LINGO2: variants seen among roughly 807,000 people sequenced by gnomAD.
The protein encoded by LINGO2 is leucine-rich repeat and immunoglobulin-like domain-containing nogo receptor-interacting protein 2.
LINGO2 carries 14 observed loss-of-function variants against 30.6 expected under a neutral mutation model. That is an observed-to-expected ratio of 0.46 (90% confidence interval 0.30 to 0.72). The LOEUF is 0.72. LINGO2 is among the 30% of genes least tolerant of loss of function. The probability of loss-of-function intolerance (pLI) is 0.07; values close to 1 mark genes in which losing one functional copy is unlikely to be tolerated. For missense variants in LINGO2, 729 were observed against 751.7 expected (o/e 0.97, Z 0.35); for synonymous variants, 317 against 288.5 (o/e 1.10, Z -1.00).
At chr9:28,995,788 C>T in the LINGO2 span, among the ~76,000 whole-genome samples, 2 of 151,770 alleles carry the variant, frequency 1.3e-5, no homozygotes, top group African/African-American at 4.8e-5. Context: ...CCAAACACCG[C>T]ATGTTCTCAC....
the LINGO2 span, among the ~76,000 whole-genome samples, chr9:28,947,507 A>G: frequency 1.3e-5 from 2 of 152,024 alleles, no homozygotes; most frequent in Non-Finnish European, 2.9e-5. Context: ...ATGTACATAC[A>G]CATAGTGGGA....
rs375599006 is a variant in LINGO2 at position 28,272,594 on chromosome 9, G to T, written c.-87+22614C>A. Among the ~76,000 whole-genome samples the T allele has an allele frequency of 5.7e-4, 86 of 152,020 alleles. 2 individuals are homozygous for T. The East Asian group carries it at 9.5e-3, about 17-fold the overall frequency. ...ATTAGATATTTTATTTGAATAGATT[G>T]TGTTAAACAAACAAAATTGCCTTTA... On this transcript the variant is annotated intron_variant, in intron 4 of 5. Transcript: ENST00000379992.
At chr9:28,248,253 C>T (rs1475437787) in intron 4 of LINGO2, among the ~76,000 whole-genome samples, 1 of 152,148 alleles carries the variant, frequency 6.6e-6, no homozygotes, top group Non-Finnish European at 1.5e-5. Context: ...GGTACCTCTG[C>T]ACAGTGAAGT....
intron 4 of LINGO2, among the ~76,000 whole-genome samples, chr9:28,118,272 G>A (rs1180865162): frequency 6.6e-6 from 1 of 152,136 alleles, no homozygotes; most frequent in East Asian, 1.9e-4. Flanking sequence ...GCAGGAGTGT[G>A]TGAATTGAGT....
At chr9:28,726,194 G>A in the LINGO2 span, among the ~76,000 whole-genome samples, 1 of 151,980 alleles carries the variant, frequency 6.6e-6, no homozygotes, top group Admixed American at 6.6e-5. Context: ...CTTTTTAAGA[G>A]CTCTATGTGT....
At chr9:29,115,093 T>C in the LINGO2 span, among the ~76,000 whole-genome samples, 2 of 152,090 alleles carry the variant, frequency 1.3e-5, no homozygotes, top group African/African-American at 4.8e-5. Flanking sequence ...CAACCTGAGT[T>C]AACATTCAAA....
the LINGO2 span, among the ~76,000 whole-genome samples, chr9:28,990,198 T>C: frequency 6.6e-6 from 1 of 152,072 alleles, no homozygotes. Flanking sequence ...CACCAGGAGA[T>C]TATATCCCGC....
intron 1 of LINGO2, among the ~76,000 whole-genome samples, chr9:28,559,063 A>G (rs954794766): frequency 1.7e-4 from 26 of 152,252 alleles, no homozygotes; most frequent in African/African-American, 6.0e-4. Flanking sequence ...ATTGATAATA[A>G]TGACTAGGAT....
the LINGO2 span, among the ~76,000 whole-genome samples, chr9:28,904,327 G>C: frequency 6.6e-6 from 1 of 152,014 alleles, no homozygotes; most frequent in Non-Finnish European, 1.5e-5. Flanking sequence ...TCCAACTCTT[G>C]CTACTTGTAC....
At chr9:29,028,665 C>T in the LINGO2 span, among the ~76,000 whole-genome samples, 1 of 152,058 alleles carries the variant, frequency 6.6e-6, no homozygotes, top group African/African-American at 2.4e-5. Flanking sequence ...CAAGAGGTCT[C>T]GCATTCTTAC....
chr9:29,143,935 T>C, the LINGO2 span, among the ~76,000 whole-genome samples: 1 of 152,212 alleles, frequency 6.6e-6, no homozygotes, highest in African/African-American at 2.4e-5. Flanking sequence ...CATCTTAAGC[T>C]GATTATTGTA....
chr9:28,920,312 T>C, the LINGO2 span, among the ~76,000 whole-genome samples: 1 of 151,562 alleles, frequency 6.6e-6, no homozygotes, highest in Non-Finnish European at 1.5e-5. Flanking sequence ...ATATATATAA[T>C]AAAATTTTTA....
At chr9:29,165,089 C>G in the LINGO2 span, among the ~76,000 whole-genome samples, 8 of 152,054 alleles carry the variant, frequency 5.3e-5, no homozygotes, top group African/African-American at 1.2e-4. Flanking sequence ...TCCCATAGTT[C>G]AAAGAACTAC....
chr9:29,029,903 G>A, the LINGO2 span, among the ~76,000 whole-genome samples: 2 of 151,136 alleles, frequency 1.3e-5, no homozygotes, highest in African/African-American at 4.9e-5. Flanking sequence ...GACATTCCAC[G>A]CTCATTTCAC....
At chr9:28,410,157 A>G (rs564503257) in intron 2 of LINGO2, among the ~76,000 whole-genome samples, 6 of 151,248 alleles carry the variant, frequency 4.0e-5, no homozygotes, top group Non-Finnish European at 8.9e-5. Context: ...AGGAAAAAGT[A>G]ACAGAGAAAG....
At chr9:28,928,858 G>A in the LINGO2 span, among the ~76,000 whole-genome samples, 1 of 152,278 alleles carries the variant, frequency 6.6e-6, no homozygotes, top group Non-Finnish European at 1.5e-5. Flanking sequence ...CCGTATGTGA[G>A]CTCAAGTGAG....
chr9:28,655,399 G>A (rs1438798146), intron 1 of LINGO2, among the ~76,000 whole-genome samples: 1 of 152,042 alleles, frequency 6.6e-6, no homozygotes, highest in African/African-American at 2.4e-5. Context: ...ATAAGCAGAA[G>A]GGACTTGCCT....
At chr9:28,019,037 T>C (rs958775324) in intron 4 of LINGO2, among the ~76,000 whole-genome samples, 3 of 152,000 alleles carry the variant, frequency 2.0e-5, no homozygotes, top group East Asian at 1.9e-4. Context: ...GAAAACCAAA[T>C]ACTGCATGTT....
At chr9:28,879,400 A>T in the LINGO2 span, among the ~76,000 whole-genome samples, 1 of 152,154 alleles carries the variant, frequency 6.6e-6, no homozygotes, top group South Asian at 2.1e-4. Context: ...CCACCACATC[A>T]TATTATCCTT....
Sources: allele counts gnomAD v4.1 joint callset (sites outside exome capture counted in the v4.1 genomes callset), GRCh38; gene constraint gnomAD v4.1.1; transcripts MANE v1.5; gene names NCBI Gene and HGNC (gene_info 2026-07-23, HGNC 2026-07-21).